Variants in CDC20 observed in about 807,000 individuals in gnomAD.
CDC20 encodes cell division cycle protein 20 homolog.
CDC20 carries 34 observed loss-of-function variants against 60.0 expected under a neutral mutation model. The observed-to-expected ratio is 0.57, with a 90% confidence interval of 0.43 to 0.75. The LOEUF is 0.75. Among genes scored for constraint, CDC20 ranks in the 30% least tolerant of loss-of-function variants. The probability of loss-of-function intolerance (pLI) is 0.00; values close to 1 mark genes in which losing one functional copy is unlikely to be tolerated. For synonymous variants in CDC20, 198 were observed against 243.5 expected (o/e 0.81, Z 1.74); for missense variants, 469 against 647.3 (o/e 0.72, Z 2.99).
rs1369094722 is a variant in CDC20 at position 43,361,261 on chromosome 1, T to C, written c.1203+16T>C. The C allele has an allele frequency of 1.9e-6, 3 of 1,570,310 alleles. No homozygotes were observed. The highest frequency in any genetic ancestry group is 2.6e-6 in the Non-Finnish European group (3 of 1,157,458). On this transcript the variant is annotated intron_variant, in intron 9 of 10. Transcript: ENST00000310955. ...CCATTCCCAGGTAATCTTTTGCCTG[T>C]TCCTGCCTCTCCCACATGCATTCTT... is the stretch of plus-strand genomic sequence containing the variant.
In CDC20 at chr1:43,361,246, G is replaced by A; in HGVS notation, c.1203+1G>A. On this transcript the variant is annotated splice_donor_variant, in intron 9 of 10. Coordinates refer to ENST00000310955, the MANE Select transcript of CDC20 (RefSeq NM_001255.3). LOFTEE classifies it high-confidence loss of function. ...GAGTGCCGTGGATGCCCATTCCCAG[G>A]TAATCTTTTGCCTGTTCCTGCCTCT... The A allele has an allele frequency of 2.5e-6, 4 of 1,595,608 alleles. No homozygotes were observed. The highest frequency in any genetic ancestry group is 3.4e-6 in the Non-Finnish European group (4 of 1,170,588).
chr1:43,359,612 GA>G lies in CDC20; in HGVS notation c.308del (p.Asn103ThrfsTer16). The G allele has an allele frequency of 6.2e-7, 1 of 1,613,846 alleles. No individual in the cohort carries two copies. The highest frequency in any genetic ancestry group is 1.1e-5 in the South Asian group (1 of 91,070). ...SFLLSKENQP[E>X]NSQTPTKKEH... ...CCTCCTGAGCAAGGAGAACCAGCCT[GA>G]AAACAGCCAGACGCCCACCAAGAAG... On this transcript the variant is annotated frameshift_variant, in exon 3 of 11. Transcript: ENST00000310955. LOFTEE classifies it high-confidence loss of function.
chr1:43,360,020 CCAGCCGGAAGACCTGCCGTTA>C lies in CDC20; in HGVS notation c.482_502del (p.Ser161_Tyr167del), dbSNP rs1647164459. ...TACAGCCAAAAGGCCACTCCTGGCT[CCAGCCGGAAGACCTGCCGTTA>C]CATTCCTTCCCTGCCAGACCGTATC... On this transcript the variant is annotated inframe_deletion, in exon 5 of 11. Coordinates refer to ENST00000310955, the MANE Select transcript of CDC20 (RefSeq NM_001255.3). 1 of 1,614,082 alleles carries C rather than the reference CCAGCCGGAAGACCTGCCGTTA, an allele frequency of 6.2e-7. No individual in the cohort carries two copies. Among genetic ancestry groups the C allele is most frequent in the African/African-American group, 1.3e-5 (1 of 74,938 alleles).
intron 4 of CDC20, 55 bp from the exon 5 acceptor site, chr1:43,359,914 G>A: frequency 6.2e-7 from 1 of 1,612,418 alleles, no homozygotes; most frequent in Admixed American, 1.7e-5. Flanking sequence ...ATCTAAGATT[G>A]AGGGCAAGGG....
At position 43,359,939 on chromosome 1, in the gene CDC20, C is replaced by A. The variant is rs370197130; in HGVS notation, c.428-30C>A. The A allele has an allele frequency of 1.3e-5, 21 of 1,613,410 alleles. No individual in the cohort carries two copies. The African/African-American group carries it at 2.0e-4, about 15-fold the overall frequency. ...GAGGGCAAGGGAGGTGTTGATTTTC[C>A]CAGCGTCTAGACTCACTCCGTTGCC... On this transcript the variant is annotated intron_variant, in intron 4 of 10. Transcript: ENST00000310955.
At position 43,359,392 on chromosome 1, in the gene CDC20, T is replaced by TCC. The variant is rs776384859; in HGVS notation, c.178_179dup (p.Gly61LeufsTer36). On this transcript the variant is annotated frameshift_variant, in exon 2 of 11. Coordinates refer to ENST00000310955, the MANE Select transcript of CDC20 (RefSeq NM_001255.3). LOFTEE classifies it high-confidence loss of function. The stretch of plus-strand genomic sequence containing the variant: ...GCGCCGGCAGGACTCCGGGCCGAAC[T>TCC]CCTGGTCAGTGAGGTGCCAAAGGAA... 5 of 1,612,932 alleles carry TCC rather than the reference T, an allele frequency of 3.1e-6. No homozygotes were observed. Among genetic ancestry groups the TCC allele is most frequent in the Non-Finnish European group, 4.2e-6 (5 of 1,179,504 alleles).
In CDC20 at chr1:43,363,102, C is replaced by T. The variant is rs752148882; in HGVS notation, c.1473C>T (p.Ser491=). ...GGGAGAAGGCCAGTGCAGCCAAAAGCAGCCTCATCCACCAAGGCATCCGCT... is the reference window on the plus strand; with the variant it reads ...GGGAGAAGGCCAGTGCAGCCAAAAGTAGCCTCATCCACCAAGGCATCCGCT... ...REREKASAAK[S]SLIHQGIR Residue 491 remains serine, a synonymous_variant, in exon 11 of 11, where the codon AGC becomes AGT. Coordinates refer to ENST00000310955, the MANE Select transcript of CDC20 (RefSeq NM_001255.3). The T allele has an allele frequency of 5.0e-6, 8 of 1,612,730 alleles. No individual in the cohort carries two copies. The highest frequency in any genetic ancestry group is 1.7e-5 in the Admixed American group (1 of 59,574).
At chr1:43,361,064 C>G in intron 8 of CDC20, 56 bp from the exon 9 acceptor site, 2 of 1,610,276 alleles carry the variant, frequency 1.2e-6, no homozygotes, top group South Asian at 2.2e-5. Context: ...ATCTGTGACC[C>G]CTAGAGCTCC....
intron 2 of CDC20, 45 bp downstream of exon 2, chr1:43,359,441 T>C: frequency 6.2e-7 from 1 of 1,613,126 alleles, no homozygotes; most frequent in Non-Finnish European, 8.5e-7. Flanking sequence ...GCCTTCATAC[T>C]TTCTCCCTGG....
chr1:43,360,940 C>A lies in CDC20; in HGVS notation c.1056C>A (p.Thr352=). The A allele has an allele frequency of 1.2e-6, 2 of 1,613,874 alleles. No individual in the cohort carries two copies. The highest frequency in any genetic ancestry group is 3.3e-4 in the Middle Eastern group (2 of 6,062). ...GCTGGGTTCCTCTGCAGACATTCAC[C>A]CAGCATCAAGGGGCTGTCAAGGTGA... ...EGGWVPLQTF[T]QHQGAVKAVA... The change falls in exon 8 of 11, where the codon ACC becomes ACA. Residue 352 remains threonine, a synonymous_variant. Transcript: ENST00000310955.
Position 43,360,108 on chromosome 1 carries a change from C to T in CDC20, c.556+11C>T, listed in dbSNP as rs1647165236. The stretch of plus-strand genomic sequence containing the variant: ...TCCGAAATGACTATTGTAAGTGCAT[C>T]CTTATCCTCGCCTCATGCATGGAGA... On this transcript the variant is annotated intron_variant, in intron 5 of 10. Transcript: ENST00000310955. 3.7e-6 allele frequency: 6 copies of T among 1,614,098 alleles called. No individual in the cohort carries two copies. The Middle Eastern group carries it at 4.9e-4, about 133-fold the overall frequency.
chr1:43,360,035 G>A lies in CDC20; in HGVS notation c.494G>A (p.Cys165Tyr). ...ACTCCTGGCTCCAGCCGGAAGACCT[G>A]CCGTTACATTCCTTCCCTGCCAGAC... ...KATPGSSRKT[C>Y]RYIPSLPDRI... The change falls in exon 5 of 11, where the codon TGC becomes TAC. Residue 165 changes from cysteine (C) to tyrosine (Y), a missense_variant. Physicochemically the swap from Cys to Tyr is radical, Grantham distance 194. Around this residue, in one of 5 missense-constraint regions of CDC20, gnomAD observed 255 missense variants for 326.7 expected, o/e 0.78. Transcript: ENST00000310955. The A allele has an allele frequency of 6.2e-7, 1 of 1,614,206 alleles. No homozygotes were observed.
Position 43,359,018 on chromosome 1 carries a change from T to G in CDC20, c.-50+12T>G. On this transcript the variant is annotated intron_variant, in intron 1 of 10. Transcript: ENST00000310955. ...CTCCGGAGGGCACGGTGAGAGGTGG[T>G]GGGGCTGAGCCGAGGTGGGGCCGTG... 1.6e-6 allele frequency: 1 copy of G among 615,636 alleles called. No homozygotes were observed. The highest frequency in any genetic ancestry group is 2.9e-6 in the Non-Finnish European group (1 of 348,292). The allele number at this position is 615,636 out of a possible 1,614,324, so 38.1% of individuals were successfully genotyped here.
intron 7 of CDC20, 64 bp from the exon 8 acceptor site, chr1:43,360,669 C>T: frequency 1.3e-6 from 2 of 1,569,074 alleles, no homozygotes; most frequent in Non-Finnish European, 1.8e-6. Context: ...CTGAACTGAA[C>T]CAGCTCTGGC....
Position 43,361,156 on chromosome 1 carries a change from G to GC in CDC20, c.1115dup (p.Thr373AsnfsTer7), listed in dbSNP as rs1265174866. 6.2e-7 allele frequency: 1 copy of GC among 1,613,844 alleles called. No homozygotes were observed. ...GTGTCCCTGGCAGTCCAATGTCCTG[G>GC]CAACAGGAGGGGGCACCAGTGATCG... On this transcript the variant is annotated frameshift_variant, in exon 9 of 11. Transcript: ENST00000310955. LOFTEE classifies it high-confidence loss of function.
intron 4 of CDC20, 64 bp from the exon 5 acceptor site, chr1:43,359,905 T>A: frequency 6.2e-6 from 10 of 1,605,328 alleles, no homozygotes; most frequent in Non-Finnish European, 7.7e-6. Flanking sequence ...CCTCTTCCTA[T>A]CTAAGATTGA....
intron 10 of CDC20, 41 bp from the exon 11 acceptor site, chr1:43,362,910 G>A (rs1647179258): frequency 1.4e-6 from 2 of 1,467,216 alleles, no homozygotes; most frequent in South Asian, 2.6e-5. Flanking sequence ...TATGGCTATG[G>A]CTGCATCAGC....
intron 10 of CDC20, among the ~76,000 whole-genome samples, chr1:43,362,544 A>T (rs1210933814): frequency 1.3e-5 from 2 of 152,170 alleles, no homozygotes; most frequent in African/African-American, 4.8e-5. Flanking sequence ...ATGGTGTGTG[A>T]ATTATATCTC....
chr1:43,360,654 C>T (rs1035640106), intron 7 of CDC20, 61 bp downstream of exon 7: 41 of 1,561,154 alleles, frequency 2.6e-5, no homozygotes, highest in Non-Finnish European at 3.4e-5. Context: ...CTTGACTGTA[C>T]ACCCCTGAAC....
Sources: allele counts gnomAD v4.1 joint callset (sites outside exome capture counted in the v4.1 genomes callset), GRCh38; gene constraint gnomAD v4.1.1; regional missense constraint gnomAD v4.1.1; transcripts MANE v1.5; gene names NCBI Gene and HGNC (gene_info 2026-07-23, HGNC 2026-07-21).